The following USP34 variants were observed in gnomAD, a reference collection of about 807,000 sequenced individuals.
USP34 encodes the protein ubiquitin carboxyl-terminal hydrolase 34.
In USP34, 70 loss-of-function variants were observed where a neutral mutation model predicts 460.3. The observed-to-expected ratio is 0.15, with a 90% CI of 0.13 to 0.19. The LOEUF is 0.19. USP34 is among the 10% of genes least tolerant of loss of function. The probability of loss-of-function intolerance (pLI) is 1.00; values close to 1 mark genes in which losing one functional copy is unlikely to be tolerated. For synonymous variants in USP34, 1,647 were observed against 1,405.3 expected, an observed-to-expected ratio of 1.17 and a Z score of -3.85; for missense variants, 3,985 against 4,236.2, an observed-to-expected ratio of 0.94 and a Z score of 1.65.
Position 61,222,611 on chromosome 2 carries a change from T to A in USP34, c.7794+8A>T, listed in dbSNP as rs753113792. ...TTTAAAAACATAAATTAACAAATGTTTACATACCTCAGGAGTCAACTTTGC... is the reference window on the plus strand; with the variant it reads ...TTTAAAAACATAAATTAACAAATGTATACATACCTCAGGAGTCAACTTTGC... On this transcript the variant is annotated splice_region_variant and intron_variant, in intron 65 of 79. Coordinates refer to ENST00000398571, the MANE Select transcript of USP34 (RefSeq NM_014709.4). The A allele has an allele frequency of 6.2e-7, 1 of 1,608,906 alleles. No individual in the cohort carries two copies. Among genetic ancestry groups the A allele is most frequent in the East Asian group, 2.2e-5 (1 of 44,758 alleles).
At chr2:61,221,235 G>T (rs777329765) in intron 66 of USP34, among the ~76,000 whole-genome samples, 34 of 152,146 alleles carry the variant, frequency 2.2e-4, no homozygotes, top group Non-Finnish European at 4.6e-4. Flanking sequence ...CACTTGGTTT[G>T]TATTTCTAGG....
At chr2:61,218,292 T>G (rs1216586772) in intron 67 of USP34, among the ~76,000 whole-genome samples, 6 of 139,284 alleles carry the variant, frequency 4.3e-5, no homozygotes, top group Non-Finnish European at 9.1e-5. Flanking sequence ...GATCCTATTA[T>G]GGTGGGGTTA....
At chr2:61,378,634 A>C (rs1269925993) in intron 7 of USP34, among the ~76,000 whole-genome samples, 1 of 152,134 alleles carries the variant, frequency 6.6e-6, no homozygotes, top group Non-Finnish European at 1.5e-5. Context: ...GGCCAGGCGC[A>C]GCGGCTCACA....
rs1177408909 is a variant in USP34 at position 61,273,245 on chromosome 2, C to G, written c.5433+4920G>C. Among the ~76,000 whole-genome samples, 5 of 152,150 alleles carry G rather than the reference C, an allele frequency of 3.3e-5. No homozygotes were observed. In the East Asian group the frequency reaches 9.6e-4, roughly 29 times the overall value. On this transcript the variant is annotated intron_variant, in intron 41 of 79. Coordinates refer to ENST00000398571, the MANE Select transcript of USP34 (RefSeq NM_014709.4). ...CTTTGCATAAATACAACAAATCATA[C>G]TCTTCCACAGGCAAATTGAGTATCA...
intron 10 of USP34, among the ~76,000 whole-genome samples, chr2:61,366,246 A>T (rs1692437157): frequency 6.6e-6 from 1 of 152,188 alleles, no homozygotes; most frequent in African/African-American, 2.4e-5. Context: ...TTTAAAATGT[A>T]ATAGGTAAAG....
chr2:61,373,095 T>C (rs1490698493), intron 8 of USP34, among the ~76,000 whole-genome samples: 1 of 152,220 alleles, frequency 6.6e-6, no homozygotes, highest in Non-Finnish European at 1.5e-5. Flanking sequence ...TATCTTATTT[T>C]ATTAGAGTTA....
At chr2:61,366,323 A>G (rs549337850) in intron 10 of USP34, among the ~76,000 whole-genome samples, 144 of 152,344 alleles carry the variant, frequency 9.5e-4, no homozygotes, top group Middle Eastern at 3.4e-3. Flanking sequence ...TCTTCCCAAC[A>G]TAACTGAGAA....
intron 51 of USP34, among the ~76,000 whole-genome samples, chr2:61,244,530 G>A (rs956392703): frequency 2.6e-5 from 4 of 151,604 alleles, no homozygotes; most frequent in Non-Finnish European, 5.9e-5. Context: ...CTCGAGAATA[G>A]CTGGAACCCA....
chr2:61,439,325 G>A (rs1331224141), intron 1 of USP34, among the ~76,000 whole-genome samples: 1 of 151,992 alleles, frequency 6.6e-6, no homozygotes, highest in Admixed American at 6.6e-5. Context: ...CTCATGCCCT[G>A]TGCTGGCAAG....
At chr2:61,277,187 A>T (rs929680688) in intron 41 of USP34, among the ~76,000 whole-genome samples, 1 of 152,074 alleles carries the variant, frequency 6.6e-6, no homozygotes, top group Non-Finnish European at 1.5e-5. Flanking sequence ...TAGGACAGTA[A>T]TTCAAAATAT....
chr2:61,327,940 T>C (rs1385587257), intron 20 of USP34, among the ~76,000 whole-genome samples: 1 of 152,226 alleles, frequency 6.6e-6, no homozygotes, highest in East Asian at 1.9e-4. Flanking sequence ...AATCTCTTTG[T>C]AGCCTCCACA....
chr2:61,229,337 T>G (rs970902191), intron 59 of USP34, among the ~76,000 whole-genome samples: 1 of 151,580 alleles, frequency 6.6e-6, no homozygotes, highest in Non-Finnish European at 1.5e-5. Context: ...ACTTAAAAAT[T>G]AGGGCTAAGC....
At chr2:61,239,968 G>A (rs1300930418) in intron 53 of USP34, among the ~76,000 whole-genome samples, 6 of 140,086 alleles carry the variant, frequency 4.3e-5, no homozygotes, top group East Asian at 2.2e-4. Flanking sequence ...CTGAGATCCC[G>A]TCACTGCACT....
chr2:61,349,834 C>G (rs758353558), intron 12 of USP34, among the ~76,000 whole-genome samples: 1 of 144,328 alleles, frequency 6.9e-6, no homozygotes, highest in Non-Finnish European at 1.5e-5. Context: ...GACCGAGGCT[C>G]CGTCTCAAAA....
intron 50 of USP34, 23 bp downstream of exon 50, chr2:61,246,301 G>T (rs1210134422): frequency 1.0e-5 from 15 of 1,491,140 alleles, no homozygotes; most frequent in Non-Finnish European, 1.2e-5. Context: ...TGTTAAAGAA[G>T]TTTTGAAATA....
chr2:61,247,144 T>C (rs1402855161), intron 49 of USP34, among the ~76,000 whole-genome samples: 4 of 152,066 alleles, frequency 2.6e-5, no homozygotes, highest in East Asian at 1.9e-4. Flanking sequence ...TAATAAAAGA[T>C]ACTGAGGAAA....
At chr2:61,326,843 G>C (rs756686595) in intron 20 of USP34, among the ~76,000 whole-genome samples, 3 of 147,620 alleles carry the variant, frequency 2.0e-5, no homozygotes. Context: ...GAGTGCAGTA[G>C]CGTGATCTCA....
intron 1 of USP34, among the ~76,000 whole-genome samples, chr2:61,422,499 C>T (rs1415655472): frequency 6.6e-6 from 1 of 152,188 alleles, no homozygotes; most frequent in African/African-American, 2.4e-5. Context: ...GTAGAGTTCT[C>T]CAAACACACA....
intron 10 of USP34, among the ~76,000 whole-genome samples, chr2:61,362,549 A>G (rs187256950): frequency 1.3e-5 from 2 of 152,356 alleles, no homozygotes; most frequent in Non-Finnish European, 2.9e-5. Flanking sequence ...GCTAGGTGAA[A>G]TAAACCAGAC....
Sources: allele counts gnomAD v4.1 joint callset (sites outside exome capture counted in the v4.1 genomes callset), GRCh38; gene constraint gnomAD v4.1.1; transcripts MANE v1.5; gene names NCBI Gene and HGNC (gene_info 2026-07-23, HGNC 2026-07-21).